The following PLPPR1 variants were observed in gnomAD, a reference collection of about 807,000 sequenced individuals.
PLPPR1 encodes the protein phospholipid phosphatase-related protein type 1.
A neutral mutation model predicts 33.1 loss-of-function variants in PLPPR1; 10 were observed. That is an observed-to-expected ratio of 0.30 (90% CI 0.19 to 0.51). PLPPR1 has a LOEUF of 0.51. Ranked by LOEUF, PLPPR1 falls within the 20% of genes least tolerant of loss-of-function variation. The pLI is 0.97. For missense variants in PLPPR1, 304 were observed against 408.1 expected (o/e 0.74, Z 2.20); for synonymous variants, 151 against 151.0 (o/e 1.00, Z 0.00).
At chr9:101,259,908 G>A (rs992085694) in intron 2 of PLPPR1, among the ~76,000 whole-genome samples, 6 of 152,114 alleles carry the variant, frequency 3.9e-5, no homozygotes, top group Non-Finnish European at 5.9e-5. Context: ...ATGACTTTGA[G>A]TTCTGTCTGT....
At chr9:101,145,517 G>A (rs1831509659) in intron 1 of PLPPR1, among the ~76,000 whole-genome samples, 2 of 151,900 alleles carry the variant, frequency 1.3e-5, no homozygotes, top group South Asian at 2.1e-4. Context: ...GAGTAGCTGG[G>A]ATTCCAAGCA....
At chr9:101,312,109 G>A (rs1206097610) in intron 5 of PLPPR1, among the ~76,000 whole-genome samples, 1 of 149,250 alleles carries the variant, frequency 6.7e-6, no homozygotes, top group African/African-American at 2.5e-5. Flanking sequence ...GTATCTTGTG[G>A]AACACACAGA....
At chr9:101,099,199 C>T (rs530908804) in intron 1 of PLPPR1, among the ~76,000 whole-genome samples, 2 of 152,088 alleles carry the variant, frequency 1.3e-5, no homozygotes, top group African/African-American at 4.8e-5. Flanking sequence ...GCAAACAAAC[C>T]AGCAACAGCA....
intron 1 of PLPPR1, among the ~76,000 whole-genome samples, chr9:101,093,223 G>C (rs977599122): frequency 2.6e-5 from 4 of 152,160 alleles, no homozygotes; most frequent in African/African-American, 9.7e-5. Flanking sequence ...GAACAGGATT[G>C]AGCCAAATAC....
At position 101,324,298 on chromosome 9, in the gene PLPPR1, C is replaced by G; in HGVS notation, c.*241C>G. On this transcript the variant is annotated 3_prime_UTR_variant, in exon 8 of 8. Transcript: ENST00000374874. ...TTAAAACCAACAAAATTTTCTTGTT[C>G]AAGCGTGCATTGAAGAACCACATTT... 2.6e-6 allele frequency: 1 copy of G among 389,596 alleles called. No individual in the cohort carries two copies. The highest frequency in any genetic ancestry group is 4.5e-6 in the Non-Finnish European group (1 of 224,046). 24.1% of individuals were successfully genotyped at this position (389,596 alleles called of 1,614,324 possible).
intron 1 of PLPPR1, among the ~76,000 whole-genome samples, chr9:101,100,692 T>C (rs1467309877): frequency 1.6e-5 from 2 of 124,958 alleles, no homozygotes; most frequent in African/African-American, 3.3e-5. Flanking sequence ...ATTTACTCTT[T>C]GTTCCGTGTG....
At chr9:101,263,645 G>C (rs747240150) in intron 2 of PLPPR1, among the ~76,000 whole-genome samples, 19 of 152,068 alleles carry the variant, frequency 1.2e-4, no homozygotes, top group Non-Finnish European at 7.4e-5. Context: ...TTTGTAACCT[G>C]ACTTTCCCCT....
chr9:101,170,791 A>T (rs535639430), intron 1 of PLPPR1, among the ~76,000 whole-genome samples: 47 of 152,092 alleles, frequency 3.1e-4, no homozygotes, highest in African/African-American at 1.0e-3. Flanking sequence ...TTTAAAAAGG[A>T]TAGCTAGGCA....
At chr9:101,300,897 C>T (rs565409870) in intron 4 of PLPPR1, among the ~76,000 whole-genome samples, 5 of 152,092 alleles carry the variant, frequency 3.3e-5, no homozygotes, top group African/African-American at 1.2e-4. Flanking sequence ...CTAGAGGGAC[C>T]GAGAAGATAT....
chr9:101,295,534 C>A (rs1828609947), intron 4 of PLPPR1, among the ~76,000 whole-genome samples: 1 of 152,046 alleles, frequency 6.6e-6, no homozygotes, highest in Admixed American at 6.5e-5. Flanking sequence ...AGGCATCACA[C>A]TACCTGACTT....
At chr9:101,168,169 A>G (rs1825888037) in intron 1 of PLPPR1, among the ~76,000 whole-genome samples, 1 of 152,140 alleles carries the variant, frequency 6.6e-6, no homozygotes, top group Non-Finnish European at 1.5e-5. Flanking sequence ...AACCATATCA[A>G]TTCTAATTCT....
intron 2 of PLPPR1, among the ~76,000 whole-genome samples, chr9:101,191,425 C>A (rs1164626338): frequency 2.0e-5 from 3 of 152,084 alleles, no homozygotes; most frequent in Admixed American, 6.6e-5. Context: ...TTCCTTCTGC[C>A]TTCCCTTCTT....
At chr9:101,262,114 T>G (rs1391636802) in intron 2 of PLPPR1, among the ~76,000 whole-genome samples, 1 of 152,220 alleles carries the variant, frequency 6.6e-6, no homozygotes, top group African/African-American at 2.4e-5. Flanking sequence ...GAAGGAGTCT[T>G]GAAAGATACA....
At chr9:101,197,104 C>T (rs1826411038) in intron 2 of PLPPR1, among the ~76,000 whole-genome samples, 1 of 152,136 alleles carries the variant, frequency 6.6e-6, no homozygotes, top group Admixed American at 6.5e-5. Flanking sequence ...CAGGTTGAGC[C>T]TGAGATTTTC....
chr9:101,312,823 C>T lies in PLPPR1; in HGVS notation c.662C>T (p.Thr221Met), dbSNP rs200667385. 4.9e-5 allele frequency: 79 copies of T among 1,613,972 alleles called. No homozygotes were observed. Among genetic ancestry groups the T allele is most frequent in the South Asian group, 2.4e-4 (22 of 91,080 alleles). Residue 221 changes from threonine (T) to methionine (M), a missense_variant, in exon 6 of 8, where the codon ACG becomes ATG. Thr to Met is a moderately conservative substitution (Grantham distance 81). Coordinates refer to ENST00000374874, the MANE Select transcript of PLPPR1 (RefSeq NM_207299.2). ...ATMYITSTIK[T>M]KSSRLAKPVL... is the part of the protein sequence containing the mutation. ...ATGTATATTACAAGCACAATCAAGA[C>T]GAAGAGCAGTCGACTGGCCAAGCCG...
rs551554340 is a variant in PLPPR1, at chr9:101,087,383, T to C, written c.-46+58281T>C. Among the ~76,000 whole-genome samples, 15 of 152,300 alleles carry C rather than the reference T, an allele frequency of 9.8e-5. 1 individual carries two copies. In the South Asian group the frequency reaches 3.1e-3, roughly 32 times the overall value. The stretch of plus-strand genomic sequence containing the variant: ...TTCTGCTAGTCTTTTCTCATTGTCA[T>C]CTTCATTTTTCTACTAAAAGTCTCC... On this transcript the variant is annotated intron_variant, in intron 1 of 7. Coordinates refer to ENST00000374874, the MANE Select transcript of PLPPR1 (RefSeq NM_207299.2).
intron 1 of PLPPR1, among the ~76,000 whole-genome samples, chr9:101,156,552 C>CAAAAAAAAAAAAAAAAAAAAAAAAA (rs1162056636): frequency 1.4e-5 from 1 of 71,328 alleles, no homozygotes; most frequent in Non-Finnish European, 2.5e-5. Flanking sequence ...ACCCTGTCTC[C>CAAAAAAAAAAAAAAAAAAAAAAAAA]AAAAAAAAAA....
chr9:101,291,681 G>C (rs909926048), intron 4 of PLPPR1, among the ~76,000 whole-genome samples: 7 of 152,190 alleles, frequency 4.6e-5, no homozygotes, highest in African/African-American at 1.7e-4. Context: ...AGGCAAACAG[G>C]GTCTGGAGTG....
At chr9:101,121,706 A>C (rs1274602374) in intron 1 of PLPPR1, among the ~76,000 whole-genome samples, 1 of 152,162 alleles carries the variant, frequency 6.6e-6, no homozygotes, top group Non-Finnish European at 1.5e-5. Context: ...AAGGCAAAAA[A>C]TAAGTGATCA....
Sources: allele counts gnomAD v4.1 joint callset (sites outside exome capture counted in the v4.1 genomes callset), GRCh38; gene constraint gnomAD v4.1.1; transcripts MANE v1.5; gene names NCBI Gene and HGNC (gene_info 2026-07-23, HGNC 2026-07-21).